Variants in VWA3B observed in about 807,000 individuals in gnomAD.
VWA3B encodes the protein von Willebrand factor A domain-containing protein 3B.
VWA3B carries 138 observed loss-of-function variants against 158.3 expected under a neutral mutation model. That is an observed-to-expected ratio of 0.87 (90% CI 0.76 to 1.00). The LOEUF (loss-of-function observed/expected upper bound fraction) is 1.00. Ranked by LOEUF, VWA3B falls within the 50% of genes least tolerant of loss-of-function variation. VWA3B has a pLI of 0.00. For synonymous variants in VWA3B, 596 were observed against 587.3 expected, an observed-to-expected ratio of 1.01 and a Z score of -0.21; for missense variants, 1,555 against 1,565.1, an observed-to-expected ratio of 0.99 and a Z score of 0.11.
chr2:98,262,754 G>A (rs1257197334), intron 21 of VWA3B, among the ~76,000 whole-genome samples: 9 of 151,772 alleles, frequency 5.9e-5, no homozygotes, highest in Admixed American at 5.9e-4. Context: ...TCTCAAGATT[G>A]TTTTGGCTAT....
At chr2:98,223,539 C>T (rs1364690388) in intron 14 of VWA3B, among the ~76,000 whole-genome samples, 1 of 151,994 alleles carries the variant, frequency 6.6e-6, no homozygotes, top group African/African-American at 2.4e-5. Flanking sequence ...CAGGCCAAGA[C>T]ATGTCATAGT....
intron 8 of VWA3B, among the ~76,000 whole-genome samples, chr2:98,174,832 G>T (rs1679872883): frequency 6.6e-6 from 1 of 152,182 alleles, no homozygotes; most frequent in Non-Finnish European, 1.5e-5. Flanking sequence ...GTTGTTAACT[G>T]CTACAGCATG....
intron 7 of VWA3B, among the ~76,000 whole-genome samples, chr2:98,138,858 C>T (rs191546257): frequency 1.3e-5 from 2 of 152,238 alleles, no homozygotes; most frequent in Non-Finnish European, 2.9e-5. Context: ...CTCACAGCCT[C>T]GCTCACTCTC....
Position 98,265,129 on chromosome 2 carries a change from G to T in VWA3B, c.2844-5553G>T, listed in dbSNP as rs190345208. Among the ~76,000 whole-genome samples, 38 of 150,954 alleles carry T rather than the reference G, an allele frequency of 2.5e-4. 2 individuals carry two copies. The highest frequency in any genetic ancestry group is 8.8e-4 in the African/African-American group (36 of 41,038). ...ACATATGTATACATGTGCCATGCTG[G>T]TGCGCTGCACCCACTAACTCATCAT... On this transcript the variant is annotated intron_variant, in intron 21 of 27. Transcript: ENST00000477737.
chr2:98,228,311 C>T lies in VWA3B; in HGVS notation c.2129C>T (p.Ala710Val). 2 of 1,613,690 alleles carry T rather than the reference C, an allele frequency of 1.2e-6. No individual in the cohort carries two copies. Reference protein sequence around the residue: ...ESLIMDWWYNAEKDGDSKHQK... With the variant: ...ESLIMDWWYNVEKDGDSKHQK... ...TTGATCATGGACTGGTGGTACAATGCAGAAAAGGATGGAGACAGCAAGTGA... is the reference window on the plus strand; with the variant it reads ...TTGATCATGGACTGGTGGTACAATGTAGAAAAGGATGGAGACAGCAAGTGA... The change falls in exon 15 of 28, where the codon GCA becomes GTA. Residue 710 changes from alanine (A) to valine (V), a missense_variant. Coordinates refer to ENST00000477737, the MANE Select transcript of VWA3B (RefSeq NM_144992.5).
At chr2:98,206,825 A>C in intron 12 of VWA3B, 1 of 379,162 alleles carries the variant, frequency 2.6e-6, no homozygotes, top group South Asian at 2.1e-5. Context: ...GCCAAAGCCC[A>C]TGGTGCTTAA....
At chr2:98,133,742 C>T in intron 6 of VWA3B, 82 bp from the exon 7 acceptor site, 1 of 1,188,238 alleles carries the variant, frequency 8.4e-7, no homozygotes, top group Non-Finnish European at 1.2e-6. Flanking sequence ...TGCCGAAGAG[C>T]ACGTTCAGTC....
intron 12 of VWA3B, among the ~76,000 whole-genome samples, chr2:98,196,893 G>A (rs1487277656): frequency 1.3e-5 from 2 of 152,154 alleles, no homozygotes; most frequent in South Asian, 2.1e-4. Flanking sequence ...AGTACGGAGC[G>A]TTCACATTTA....
intron 24 of VWA3B, among the ~76,000 whole-genome samples, chr2:98,299,175 ATTCCCTGCCCCCCAGACCTTGGTGCT>A (rs1330848427): frequency 7.2e-5 from 11 of 152,088 alleles, no homozygotes; most frequent in African/African-American, 2.2e-4. Context: ...TTGGCCCCAG[ATTCCCTGCCCCCCAGACCTTGGTGCT>A]TTCCCTGCCC....
At chr2:98,127,841 C>T (rs142654079) in intron 5 of VWA3B, among the ~76,000 whole-genome samples, 20 of 152,314 alleles carry the variant, frequency 1.3e-4, no homozygotes, top group African/African-American at 4.6e-4. Context: ...CATGAGTTTG[C>T]ATTGTAGGAT....
At chr2:98,330,603 C>T in the VWA3B span, among the ~76,000 whole-genome samples, 2 of 152,174 alleles carry the variant, frequency 1.3e-5, no homozygotes, top group African/African-American at 4.8e-5. Context: ...TCTAGACACA[C>T]CTCTGGGAAG....
At chr2:98,113,472 C>T (rs59921158) in intron 2 of VWA3B, among the ~76,000 whole-genome samples, 16,391 of 151,984 alleles carry the variant, frequency 0.11, 1,146 homozygotes, top group African/African-American at 0.2. Flanking sequence ...CCATGCAGTT[C>T]GAAATCATGT....
chr2:98,129,224 AGTGTGTGT>A (rs1228441504), intron 6 of VWA3B, among the ~76,000 whole-genome samples: 6 of 124,656 alleles, frequency 4.8e-5, no homozygotes, highest in South Asian at 2.7e-4. Flanking sequence ...AGAGAGAGAG[AGTGTGTGT>A]GTGTGTGTGT....
At chr2:98,266,458 A>G (rs1022320505) in intron 21 of VWA3B, among the ~76,000 whole-genome samples, 3 of 151,632 alleles carry the variant, frequency 2.0e-5, no homozygotes, top group African/African-American at 7.3e-5. Flanking sequence ...GCCTTGCAGT[A>G]TAGTTTGAAG....
At chr2:98,197,117 C>T (rs968025474) in intron 12 of VWA3B, among the ~76,000 whole-genome samples, 2 of 152,256 alleles carry the variant, frequency 1.3e-5, no homozygotes, top group African/African-American at 4.8e-5. Context: ...CAATCTGTGA[C>T]AGTTCTTCAA....
chr2:98,279,654 A>G (rs913865506), intron 22 of VWA3B, among the ~76,000 whole-genome samples: 8 of 152,236 alleles, frequency 5.3e-5, no homozygotes, highest in African/African-American at 1.9e-4. Context: ...AAGCAATAGC[A>G]GGAAGCTGTT....
At chr2:98,317,332 C>A (rs1039192029), downstream of VWA3B, among the ~76,000 whole-genome samples, 1 of 99,362 alleles carries the variant, frequency 1.0e-5, no homozygotes, top group Non-Finnish European at 2.3e-5. Context: ...AAATTCTAAA[C>A]CCCCCCCAGC....
chr2:98,324,380 C>T, the VWA3B span, among the ~76,000 whole-genome samples: 1 of 152,146 alleles, frequency 6.6e-6, no homozygotes, highest in African/African-American at 2.4e-5. Flanking sequence ...CCAGACTAGT[C>T]TTGAACTCCT....
At chr2:98,144,309 T>C (rs980334277) in intron 7 of VWA3B, among the ~76,000 whole-genome samples, 7 of 152,156 alleles carry the variant, frequency 4.6e-5, no homozygotes, top group Non-Finnish European at 8.8e-5. Context: ...ACCCTGTTAA[T>C]GTTATTATCA....
Sources: gnomAD v4.1 joint callset for allele counts (sites outside exome capture counted in the v4.1 genomes callset) on GRCh38, gnomAD v4.1.1 for gene constraint, MANE v1.5 for transcripts, NCBI Gene and HGNC (gene_info 2026-07-23, HGNC 2026-07-21) for gene names.